UNC13C: variants seen among roughly 807,000 people sequenced by gnomAD.
UNC13C encodes the protein unc-13 homolog C.
Under a neutral mutation model 245.4 loss-of-function variants are expected in UNC13C, and 174 were observed. The observed-to-expected ratio is 0.71, with a 90% CI of 0.63 to 0.80. The LOEUF is 0.80. Ranked by LOEUF, UNC13C falls within the 30% of genes least tolerant of loss-of-function variation. The pLI is 0.00. For missense variants in UNC13C, 2,829 were observed against 2,602.9 expected (o/e 1.09, Z -1.89); for synonymous variants, 992 against 895.1 (o/e 1.11, Z -1.93).
chr15:54,312,916 A>T (rs2037912752), intron 13 of UNC13C, among the ~76,000 whole-genome samples: 1 of 151,840 alleles, frequency 6.6e-6, no homozygotes, highest in Non-Finnish European at 1.5e-5. Context: ...AGTTAGAAAA[A>T]GTTCCTTCCA....
intron 2 of UNC13C, among the ~76,000 whole-genome samples, chr15:54,053,764 C>G (rs1252914577): frequency 6.6e-6 from 1 of 152,042 alleles, no homozygotes; most frequent in Non-Finnish European, 1.5e-5. Flanking sequence ...ACCCATTAAC[C>G]ATCCCCACAT....
At chr15:54,534,036 C>T (rs976009165) in intron 26 of UNC13C, among the ~76,000 whole-genome samples, 1 of 152,116 alleles carries the variant, frequency 6.6e-6, no homozygotes, top group Non-Finnish European at 1.5e-5. Context: ...AGAAAAATTA[C>T]AATGTCTTTC....
At chr15:54,540,097 G>A (rs1302219579) in intron 26 of UNC13C, among the ~76,000 whole-genome samples, 2 of 152,050 alleles carry the variant, frequency 1.3e-5, no homozygotes, top group Admixed American at 6.6e-5. Flanking sequence ...TAGGGGAGAT[G>A]CTTAAAAGCC....
At chr15:54,051,618 A>G (rs900685516) in intron 2 of UNC13C, among the ~76,000 whole-genome samples, 16 of 152,000 alleles carry the variant, frequency 1.1e-4, no homozygotes, top group Middle Eastern at 3.4e-3. Context: ...TTCATTCCGT[A>G]TGTTTCTGTT....
chr15:54,548,162 C>A (rs962587157), intron 27 of UNC13C, among the ~76,000 whole-genome samples: 3 of 151,628 alleles, frequency 2.0e-5, no homozygotes, highest in Non-Finnish European at 4.4e-5. Context: ...ATTGTCTCAG[C>A]CCACTTTTGA....
chr15:54,294,185 C>A (rs2037372546), intron 11 of UNC13C, 121 bp downstream of exon 11: 3 of 821,962 alleles, frequency 3.6e-6, no homozygotes, highest in Non-Finnish European at 3.5e-6. Flanking sequence ...TTCTGTTGAA[C>A]TTTAGATGAT....
intron 22 of UNC13C, 92 bp downstream of exon 22, chr15:54,501,070 C>A: frequency 1.5e-6 from 2 of 1,304,210 alleles, no homozygotes; most frequent in African/African-American, 1.5e-5. Context: ...CTCTGTCACC[C>A]CATCCCAGTT....
intron 4 of UNC13C, among the ~76,000 whole-genome samples, chr15:54,206,984 C>G (rs996012174): frequency 6.6e-6 from 1 of 151,978 alleles, no homozygotes; most frequent in African/African-American, 2.4e-5. Context: ...AGATAAAACC[C>G]AAGGTACCCT....
chr15:53,870,198 T>A, the UNC13C span, among the ~76,000 whole-genome samples: 1 of 152,242 alleles, frequency 6.6e-6, no homozygotes, highest in Non-Finnish European at 1.5e-5. Flanking sequence ...TTGGAAATGT[T>A]TTAAGTTTAA....
intron 2 of UNC13C, among the ~76,000 whole-genome samples, chr15:54,101,133 T>C (rs548480769): frequency 1.3e-5 from 2 of 152,320 alleles, no homozygotes; most frequent in South Asian, 2.1e-4. Flanking sequence ...AATATATTTA[T>C]GATGAGTTTT....
chr15:54,479,113 C>T (rs980819671), intron 19 of UNC13C, among the ~76,000 whole-genome samples: 2 of 151,876 alleles, frequency 1.3e-5, no homozygotes, highest in Admixed American at 6.6e-5. Context: ...GCTATAAATC[C>T]TTGAATATAT....
At chr15:54,167,602 G>GAAAAAAAA (rs35210236) in intron 4 of UNC13C, among the ~76,000 whole-genome samples, 6 of 63,566 alleles carry the variant, frequency 9.4e-5, no homozygotes, top group Admixed American at 2.0e-4. Context: ...ATCCAAATAG[G>GAAAAAAAA]AAAAAAAAAA....
chr15:53,850,740 A>C, the UNC13C span, among the ~76,000 whole-genome samples: 2,612 of 152,156 alleles, frequency 0.017, 51 homozygotes, highest in East Asian at 0.08. Context: ...ATTTGGATAA[A>C]TATTGTCTAT....
the UNC13C span, among the ~76,000 whole-genome samples, chr15:53,869,293 A>G: frequency 2.9e-4 from 44 of 152,294 alleles, no homozygotes; most frequent in African/African-American, 1.1e-3. Flanking sequence ...CTCCTGTTCA[A>G]TGCTGCCTGT....
At position 54,566,897 on chromosome 15, in the gene UNC13C, C is replaced by A. The variant is rs571242008; in HGVS notation, c.5959-903C>A. 2.0e-4 allele frequency among the ~76,000 whole-genome samples: 31 copies of A among 152,178 alleles called. No homozygotes were observed. The South Asian group carries it at 6.2e-3, about 31-fold the overall frequency. On this transcript the variant is annotated intron_variant, in intron 29 of 32. Coordinates refer to ENST00000260323, the MANE Select transcript of UNC13C (RefSeq NM_001080534.3). ...TGTGCTAATTATAGATCACAGTGAG[C>A]CACAGTTACTAGTGAGTGCTTTGTT... is the stretch of plus-strand genomic sequence containing the variant.
chr15:53,916,228 A>G, the UNC13C span, among the ~76,000 whole-genome samples: 9 of 152,268 alleles, frequency 5.9e-5, no homozygotes, highest in South Asian at 1.7e-3. Flanking sequence ...AAGGCAGACT[A>G]TGGGGACTGA....
At chr15:54,168,210 T>G (rs2033255819) in intron 4 of UNC13C, among the ~76,000 whole-genome samples, 2 of 152,228 alleles carry the variant, frequency 1.3e-5, no homozygotes, top group South Asian at 2.1e-4. Flanking sequence ...TACTTGACTA[T>G]AAAGTCAGTT....
chr15:54,173,000 T>A (rs2033474868), intron 4 of UNC13C, among the ~76,000 whole-genome samples: 1 of 151,734 alleles, frequency 6.6e-6, no homozygotes, highest in East Asian at 1.9e-4. Flanking sequence ...AGCATCTCCC[T>A]CATGAAATTA....
chr15:53,880,609 C>G, the UNC13C span, among the ~76,000 whole-genome samples: 1 of 152,090 alleles, frequency 6.6e-6, no homozygotes. Flanking sequence ...TAAGGATAAC[C>G]CAGTCTGCTC....
Sources: gnomAD v4.1 joint callset for allele counts (sites outside exome capture counted in the v4.1 genomes callset) on GRCh38, gnomAD v4.1.1 for gene constraint, MANE v1.5 for transcripts, NCBI Gene and HGNC (gene_info 2026-07-23, HGNC 2026-07-21) for gene names.